The following ZMAT4 variants were observed in gnomAD, a reference collection of about 807,000 sequenced individuals.
ZMAT4 encodes the protein zinc finger matrin-type 4, also known as zinc finger matrin-type protein 4.
A neutral mutation model predicts 28.7 loss-of-function variants in ZMAT4; 17 were observed. The ratio of observed to expected loss-of-function variants is 0.59; its 90% confidence interval spans 0.41 to 0.89. The LOEUF is 0.89. Among genes scored for constraint, ZMAT4 ranks in the 40% least tolerant of loss-of-function variants. The probability of loss-of-function intolerance (pLI) is 0.00; values close to 1 mark genes in which losing one functional copy is unlikely to be tolerated. For missense variants in ZMAT4, 240 were observed against 283.8 expected (o/e 0.85, Z 1.11); for synonymous variants, 117 against 109.2 (o/e 1.07, Z -0.44).
chr8:40,709,030 A>G (rs1325906321), intron 3 of ZMAT4, among the ~76,000 whole-genome samples: 4 of 152,264 alleles, frequency 2.6e-5, no homozygotes, highest in Middle Eastern at 3.4e-3. Flanking sequence ...TTCAGTATCC[A>G]TGGGGAATTG....
At chr8:40,855,936 C>A (rs967436319) in intron 1 of ZMAT4, among the ~76,000 whole-genome samples, 3 of 151,884 alleles carry the variant, frequency 2.0e-5, no homozygotes, top group African/African-American at 4.8e-5. Flanking sequence ...AGCGATCCAC[C>A]CACCTCGACC....
At chr8:40,593,613 C>T (rs551245488) in intron 5 of ZMAT4, among the ~76,000 whole-genome samples, 2 of 152,212 alleles carry the variant, frequency 1.3e-5, no homozygotes, top group Admixed American at 6.5e-5. Flanking sequence ...CACTTTAGAG[C>T]TTTACCTGCC....
chr8:40,535,134 C>T lies in ZMAT4; in HGVS notation c.675-2896G>A, dbSNP rs377172492. Among the ~76,000 whole-genome samples the T allele has an allele frequency of 8.5e-5, 13 of 152,184 alleles. No homozygotes were observed. The South Asian group carries it at 1.5e-3, about 17-fold the overall frequency. On this transcript the variant is annotated intron_variant, in intron 6 of 6. Coordinates refer to ENST00000297737, the MANE Select transcript of ZMAT4 (RefSeq NM_024645.3). ...AGTGTCCCTGTCAGGGAATGTGGCG[C>T]GACATAGAACTTCTGTGATGTTCAG...
chr8:40,632,401 G>T (rs759539365), intron 5 of ZMAT4, among the ~76,000 whole-genome samples: 2 of 152,064 alleles, frequency 1.3e-5, no homozygotes, highest in Non-Finnish European at 2.9e-5. Flanking sequence ...TCAAAAATAA[G>T]AAAATAGTGA....
At chr8:40,585,324 T>G (rs1804630507) in intron 5 of ZMAT4, among the ~76,000 whole-genome samples, 13 of 152,228 alleles carry the variant, frequency 8.5e-5, no homozygotes, top group South Asian at 4.2e-4. Context: ...AGACAAATCT[T>G]GAAACCTATT....
chr8:40,628,631 G>A (rs1420972707), intron 5 of ZMAT4, among the ~76,000 whole-genome samples: 1 of 152,164 alleles, frequency 6.6e-6, no homozygotes, highest in Non-Finnish European at 1.5e-5. Context: ...GTGGAAAGGA[G>A]GGAAGGAGGA....
chr8:40,893,374 C>T (rs1298789877), intron 1 of ZMAT4, among the ~76,000 whole-genome samples: 4 of 152,178 alleles, frequency 2.6e-5, no homozygotes, highest in Non-Finnish European at 4.4e-5. Flanking sequence ...AGAACGTAGT[C>T]CTGACCTCTG....
intron 1 of ZMAT4, among the ~76,000 whole-genome samples, chr8:40,838,344 T>C (rs1250532987): frequency 6.6e-6 from 1 of 151,954 alleles, no homozygotes; most frequent in Non-Finnish European, 1.5e-5. Context: ...CCTCTTTTGT[T>C]TATTTTTTTA....
chr8:40,600,737 CTT>C (rs2118611578), intron 5 of ZMAT4, among the ~76,000 whole-genome samples: 1 of 152,314 alleles, frequency 6.6e-6, no homozygotes, highest in South Asian at 2.1e-4. Context: ...AGATTCCTGA[CTT>C]AGTCCTGATA....
chr8:40,647,790 T>C (rs1807408581), intron 5 of ZMAT4, among the ~76,000 whole-genome samples: 2 of 152,054 alleles, frequency 1.3e-5, no homozygotes, highest in Admixed American at 6.6e-5. Context: ...GCAGCCTAAC[T>C]GGGAGGCACC....
intron 6 of ZMAT4, among the ~76,000 whole-genome samples, chr8:40,569,688 C>A (rs1222500459): frequency 6.6e-6 from 1 of 152,172 alleles, no homozygotes; most frequent in Non-Finnish European, 1.5e-5. Flanking sequence ...CCGACTTTAT[C>A]CCTTCTGCCC....
chr8:40,873,518 C>A (rs1353643338), intron 1 of ZMAT4, among the ~76,000 whole-genome samples: 1 of 152,142 alleles, frequency 6.6e-6, no homozygotes, highest in Non-Finnish European at 1.5e-5. Context: ...CAAAATGGTG[C>A]ATGGGTCCCT....
intron 2 of ZMAT4, among the ~76,000 whole-genome samples, chr8:40,820,559 TGTGA>T (rs1202093646): frequency 2.0e-5 from 3 of 150,980 alleles, no homozygotes; most frequent in Admixed American, 6.6e-5. Context: ...TGTGTATGTG[TGTGA>T]GTGTGTTTTG....
chr8:40,688,590 G>A (rs983003343), intron 4 of ZMAT4, among the ~76,000 whole-genome samples: 1 of 152,144 alleles, frequency 6.6e-6, no homozygotes. Context: ...TTTATGATTA[G>A]AGCCATAAAC....
chr8:40,825,514 A>C, intron 2 of ZMAT4, 61 bp downstream of exon 2: 1 of 1,427,770 alleles, frequency 7.0e-7, no homozygotes, highest in Non-Finnish European at 9.6e-7. Flanking sequence ...GGAGTCCTAC[A>C]ACAATGACCC....
chr8:40,833,354 G>C (rs1816354122), intron 1 of ZMAT4, among the ~76,000 whole-genome samples: 1 of 152,008 alleles, frequency 6.6e-6, no homozygotes, highest in Non-Finnish European at 1.5e-5. Context: ...CAGATTATGA[G>C]GTCAGGAGTT....
chr8:40,558,684 G>A (rs574506601), intron 6 of ZMAT4, among the ~76,000 whole-genome samples: 1 of 152,188 alleles, frequency 6.6e-6, no homozygotes, highest in Admixed American at 6.5e-5. Flanking sequence ...GATGCCTGCT[G>A]CACATCTAAA....
At chr8:40,676,675 A>G (rs1404674920) in intron 4 of ZMAT4, among the ~76,000 whole-genome samples, 1 of 152,142 alleles carries the variant, frequency 6.6e-6, no homozygotes, top group African/African-American at 2.4e-5. Context: ...TATTTCTAAG[A>G]AGCTCTTTTT....
intron 6 of ZMAT4, among the ~76,000 whole-genome samples, chr8:40,559,190 T>C (rs577525227): frequency 4.7e-4 from 71 of 152,098 alleles, no homozygotes; most frequent in Non-Finnish European, 7.8e-4. Context: ...AATAGAATGA[T>C]TTCTGTAACT....
Sources: allele counts gnomAD v4.1 joint callset (sites outside exome capture counted in the v4.1 genomes callset), GRCh38; gene constraint gnomAD v4.1.1; transcripts MANE v1.5; gene names NCBI Gene and HGNC (gene_info 2026-07-23, HGNC 2026-07-21).